The following KSR2 variants were observed in gnomAD, a reference collection of about 807,000 sequenced individuals.
KSR2 encodes the protein kinase suppressor of ras 2.
Under a neutral mutation model 107.8 loss-of-function variants are expected in KSR2, and 25 were observed. The observed-to-expected ratio is 0.23, with a 90% CI of 0.17 to 0.32. KSR2 has a LOEUF of 0.32. Ranked by LOEUF, KSR2 falls within the 10% of genes least tolerant of loss-of-function variation. The pLI is 1.00. For synonymous variants in KSR2, 480 were observed against 507.0 expected (o/e 0.95, Z 0.71); for missense variants, 887 against 1,268.9 (o/e 0.70, Z 4.57).
intron 4 of KSR2, among the ~76,000 whole-genome samples, chr12:117,743,012 C>T (rs1425336136): frequency 6.6e-6 from 1 of 152,172 alleles, no homozygotes; most frequent in Non-Finnish European, 1.5e-5. Flanking sequence ...GTATCCATTG[C>T]CTATATAAAC....
At chr12:117,865,068 T>A (rs11068704) in intron 1 of KSR2, among the ~76,000 whole-genome samples, 8,021 of 151,704 alleles carry the variant, frequency 0.053, 607 homozygotes, top group East Asian at 0.31. Context: ...TCTCAAAAAA[T>A]AATAAAAATA....
At chr12:117,592,850 G>A (rs1185395997) in intron 5 of KSR2, among the ~76,000 whole-genome samples, 4 of 152,068 alleles carry the variant, frequency 2.6e-5, no homozygotes, top group Non-Finnish European at 4.4e-5. Context: ...GTGGCCAATC[G>A]GGGGGTGGGG....
intron 3 of KSR2, among the ~76,000 whole-genome samples, chr12:117,834,653 C>A (rs529168308): frequency 6.6e-6 from 1 of 152,306 alleles, no homozygotes; most frequent in Non-Finnish European, 1.5e-5. Flanking sequence ...TGCGGTGAGG[C>A]TCCTCCTCTG....
In KSR2 at chr12:117,656,993, T is replaced by TAATAGG. The variant is rs1316323183; in HGVS notation, c.1171+10480_1171+10481insCCTATT. Among the ~76,000 whole-genome samples the TAATAGG allele has an allele frequency of 1.6e-3, 188 of 115,078 alleles. 2 individuals are homozygous for TAATAGG. The highest frequency in any genetic ancestry group is 6.4e-3 in the African/African-American group (175 of 27,266). The allele number at this position is 115,078 out of a possible 152,430, so 75.5% of individuals were successfully genotyped here. A position where few individuals can be genotyped will look rare whatever the true frequency, so the allele number is the denominator to read the frequency against. On this transcript the variant is annotated intron_variant, in intron 5 of 19. Coordinates refer to ENST00000339824, the MANE Select transcript of KSR2 (RefSeq NM_173598.6). ...ATATATATAATAGGATATATATATATATATATATATATATATATATATCCT... is the reference window on the plus strand; with the variant it reads ...ATATATATAATAGGATATATATATATAATAGGATATATATATATATATATATATCCT...
At position 117,686,215 on chromosome 12, in the gene KSR2, A is replaced by ATTTTTTTTTTTTTTTTT. The variant is rs55772468; in HGVS notation, c.987-18574_987-18558dup. The stretch of plus-strand genomic sequence containing the variant: ...AGGCACACACCACCACACCCAGCTA[A>ATTTTTTTTTTTTTTTTT]TTTTTTTTTTTTTTTTTTTTTTTTT... On this transcript the variant is annotated intron_variant, in intron 4 of 19. Transcript: ENST00000339824. 6.4e-5 allele frequency among the ~76,000 whole-genome samples: 5 copies of ATTTTTTTTTTTTTTTTT among 78,042 alleles called. 2 individuals carry two copies. Among genetic ancestry groups the ATTTTTTTTTTTTTTTTT allele is most frequent in the African/African-American group, 3.4e-4 (5 of 14,680 alleles). 51.2% of individuals were successfully genotyped at this position (78,042 alleles called of 152,430 possible).
At chr12:117,610,809 T>A (rs1191282817) in intron 5 of KSR2, among the ~76,000 whole-genome samples, 1 of 149,360 alleles carries the variant, frequency 6.7e-6, no homozygotes, top group African/African-American at 2.5e-5. Flanking sequence ...AATACATGTA[T>A]AAGTAGGTAG....
At chr12:117,757,726 T>A (rs1346804265) in intron 4 of KSR2, among the ~76,000 whole-genome samples, 1 of 152,254 alleles carries the variant, frequency 6.6e-6, no homozygotes, top group Non-Finnish European at 1.5e-5. Context: ...TCATTAGTGT[T>A]TTTTAGTATT....
rs1407372826 is a variant in KSR2, at chr12:117,904,318, A to G, written c.181-43887T>C. 2.6e-5 allele frequency among the ~76,000 whole-genome samples: 4 copies of G among 152,294 alleles called. No individual in the cohort carries two copies. The East Asian group carries it at 7.7e-4, about 29-fold the overall frequency. On this transcript the variant is annotated intron_variant, in intron 1 of 19. Transcript: ENST00000339824. ...TATATTCAGTATCTAAACTCGTTGA[A>G]TGAGTTTGAAATTCTAAGAATGGTG...
intron 4 of KSR2, among the ~76,000 whole-genome samples, chr12:117,751,590 T>C (rs1032933347): frequency 2.6e-5 from 4 of 152,192 alleles, no homozygotes; most frequent in Non-Finnish European, 5.9e-5. Flanking sequence ...TTGGGAGTCC[T>C]TAAGTAGCAT....
chr12:117,512,514 G>A (rs1299567963), intron 14 of KSR2, among the ~76,000 whole-genome samples: 5 of 152,114 alleles, frequency 3.3e-5, no homozygotes, highest in Non-Finnish European at 5.9e-5. Context: ...CAGACCTACT[G>A]AATGAGAAAC....
At chr12:117,633,943 T>C (rs1882929943) in intron 5 of KSR2, among the ~76,000 whole-genome samples, 1 of 152,174 alleles carries the variant, frequency 6.6e-6, no homozygotes, top group African/African-American at 2.4e-5. Context: ...TGATGCCATA[T>C]GGACCAGGCA....
At chr12:117,570,299 G>A (rs1442988272) in intron 7 of KSR2, among the ~76,000 whole-genome samples, 1 of 152,152 alleles carries the variant, frequency 6.6e-6, no homozygotes, top group Non-Finnish European at 1.5e-5. Context: ...ATCTGCAGAC[G>A]TTTTTGATGG....
intron 4 of KSR2, among the ~76,000 whole-genome samples, chr12:117,695,963 A>G (rs527570166): frequency 6.6e-6 from 1 of 152,310 alleles, no homozygotes; most frequent in South Asian, 2.1e-4. Context: ...GTGAAAGCTG[A>G]CAGCCAGCAC....
intron 7 of KSR2, among the ~76,000 whole-genome samples, chr12:117,576,026 C>T (rs922713734): frequency 6.6e-6 from 1 of 152,140 alleles, no homozygotes; most frequent in Non-Finnish European, 1.5e-5. Flanking sequence ...TACCCCCCCA[C>T]CCTATCCCTA....
In KSR2 at chr12:117,471,173, AC is replaced by A. The variant is rs769848851; in HGVS notation, c.2712+17del. 2.2e-5 allele frequency: 36 copies of A among 1,612,922 alleles called. No homozygotes were observed. The highest frequency in any genetic ancestry group is 4.0e-5 in the African/African-American group (3 of 74,838). On this transcript the variant is annotated intron_variant, in intron 18 of 19. Transcript: ENST00000339824. ...GTCTCCCCTCATCCCCCAAGTCTGG[AC>A]CTATCTTGGGACTTACCGAGATTTC...
At chr12:117,807,331 G>A (rs112158700) in intron 3 of KSR2, among the ~76,000 whole-genome samples, 6,137 of 152,246 alleles carry the variant, frequency 0.04, 177 homozygotes, top group South Asian at 0.068. Flanking sequence ...TAGATGCAGC[G>A]TATAAAAAAG....
At chr12:117,834,820 G>A (rs916993149) in intron 3 of KSR2, among the ~76,000 whole-genome samples, 2 of 152,172 alleles carry the variant, frequency 1.3e-5, no homozygotes, top group African/African-American at 4.8e-5. Context: ...CACAGAAACA[G>A]TATTGCAGGC....
chr12:117,968,305 AG>A lies in KSR2; in HGVS notation c.-51del. The A allele has an allele frequency of 6.3e-6, 7 of 1,110,320 alleles. No homozygotes were observed. The highest frequency in any genetic ancestry group is 1.7e-5 in the African/African-American group (1 of 57,154). The allele number at this position is 1,110,320 out of a possible 1,614,324, so 68.8% of individuals were successfully genotyped here. On this transcript the variant is annotated 5_prime_UTR_variant, in exon 1 of 20. Coordinates refer to ENST00000339824, the MANE Select transcript of KSR2 (RefSeq NM_173598.6). Reference sequence around the variant, plus strand: ...CTCCTCCTCCTCCCAGAGAGAAAAAAGAGGGGGGGGAGTAGAGGTAGTCTAC... The same window carrying A: ...CTCCTCCTCCTCCCAGAGAGAAAAAAAGGGGGGGGAGTAGAGGTAGTCTAC...
intron 3 of KSR2, among the ~76,000 whole-genome samples, chr12:117,820,214 A>T (rs930524580): frequency 3.9e-5 from 6 of 152,176 alleles, no homozygotes; most frequent in Admixed American, 6.5e-5. Context: ...GAGGAGCGTT[A>T]AAGTCTAGGT....
Sources: allele counts gnomAD v4.1 joint callset (sites outside exome capture counted in the v4.1 genomes callset), GRCh38; gene constraint gnomAD v4.1.1; transcripts MANE v1.5; gene names NCBI Gene and HGNC (gene_info 2026-07-23, HGNC 2026-07-21).